HSPB7: variants seen among roughly 807,000 people sequenced by gnomAD.
HSPB7 encodes the protein heat shock protein beta-7.
HSPB7 carries 9 observed loss-of-function variants against 11.0 expected under a neutral mutation model. The ratio of observed to expected loss-of-function variants is 0.82; its 90% CI spans 0.49 to 1.43. HSPB7 has a LOEUF of 1.43. HSPB7 is among the 40% of genes most tolerant of loss of function. The pLI is 0.00. For synonymous variants in HSPB7, 102 were observed against 101.6 expected, an observed-to-expected ratio of 1.00 and a Z score of -0.02; for missense variants, 246 against 243.9, an observed-to-expected ratio of 1.01 and a Z score of -0.06.
intron 2 of HSPB7, 131 bp downstream of exon 2, chr1:16,016,943 G>GC (rs2021774697): frequency 1.1e-6 from 1 of 915,294 alleles, no homozygotes; most frequent in Admixed American, 2.5e-5. Flanking sequence ...CCTTCAGTTA[G>GC]CCCTGGGGGA....
upstream of HSPB7, chr1:16,019,124 T>C (rs945422): frequency 0.57 from 874,602 of 1,539,896 alleles, 251,673 homozygotes; most frequent in African/African-American, 0.75. Flanking sequence ...TCAGCAAAGC[T>C]GGGACTGACC....
At chr1:16,017,721 C>T (rs1418963656) in intron 1 of HSPB7, 44 bp downstream of exon 1, 14 of 1,488,558 alleles carry the variant, frequency 9.4e-6, no homozygotes, top group Non-Finnish European at 1.2e-5. Context: ...GCAGACGTCC[C>T]CTCCCTGTGC....
upstream of HSPB7, chr1:16,019,231 C>T (rs781773833): frequency 2.1e-5 from 32 of 1,549,450 alleles, no homozygotes; most frequent in South Asian, 3.6e-5. Context: ...TCTCCAAATC[C>T]GTCCCTTCCG....
rs779785456 is a variant in HSPB7 at position 16,015,729 on chromosome 1, A to G, written c.364T>C (p.Phe122Leu). The G allele has an allele frequency of 1.9e-6, 3 of 1,608,036 alleles. No individual in the cohort carries two copies. Among genetic ancestry groups the G allele is most frequent in the Non-Finnish European group, 2.5e-6 (3 of 1,176,754 alleles). Reference sequence around the variant, plus strand: ...TCCGGCAGCTGGCACTTGTGAGCGAAGGTGTTCATGACAGTGCCGTCAGCC... The same window carrying G: ...TCCGGCAGCTGGCACTTGTGAGCGAGGGTGTTCATGACAGTGCCGTCAGCC... ...LAADGTVMNT[F>L]AHKCQLPEDV... The change falls in exon 3 of 3, where the codon TTC becomes CTC. Residue 122 changes from phenylalanine to leucine, a missense_variant. Physicochemically the swap from Phe to Leu is conservative, Grantham distance 22. Transcript: ENST00000311890. The surrounding 1 kb of genome is among the most constrained non-coding windows in gnomAD (Gnocchi z 4.9).
chr1:16,016,114 A>G (rs2021702739), intron 2 of HSPB7, among the ~76,000 whole-genome samples: 1 of 152,246 alleles, frequency 6.6e-6, no homozygotes, highest in African/African-American at 2.4e-5. Flanking sequence ...CCCCGGGCAC[A>G]TTGGGCATCT....
chr1:16,018,932 C>CG, upstream of HSPB7: 1 of 1,139,182 alleles, frequency 8.8e-7, no homozygotes. Context: ...ATGTTACGGA[C>CG]GGGGAAGCGA....
upstream of HSPB7, chr1:16,018,100 GC>G (rs1438591976): frequency 1.3e-6 from 2 of 1,559,836 alleles, no homozygotes; most frequent in Non-Finnish European, 1.7e-6. Context: ...CTTGGGGCCA[GC>G]CCCTTGTCTA....
At chr1:16,019,235 C>T (rs2021970542), upstream of HSPB7, 2 of 1,549,508 alleles carry the variant, frequency 1.3e-6, no homozygotes, top group Non-Finnish European at 1.7e-6. Flanking sequence ...CAAATCCGTC[C>T]CTTCCGTCCC....
At chr1:16,019,027 C>T, upstream of HSPB7, 1 of 1,122,562 alleles carries the variant, frequency 8.9e-7, no homozygotes, top group East Asian at 2.6e-5. Context: ...CAAAGCCCTT[C>T]AGAGGCCGAG....
chr1:16,016,330 G>A (rs2148842268), intron 2 of HSPB7, among the ~76,000 whole-genome samples: 1 of 152,308 alleles, frequency 6.6e-6, no homozygotes, highest in Admixed American at 6.5e-5. Context: ...GCCAGTCCTT[G>A]GGGGCTTAGG....
chr1:16,018,490 G>C, upstream of HSPB7: 1 of 1,115,056 alleles, frequency 9.0e-7, no homozygotes. Flanking sequence ...ACCGCTCTGT[G>C]ACGTCAGGAG....
In HSPB7 at chr1:16,015,943, C is replaced by T. The variant is rs143697552; in HGVS notation, c.334-184G>A. ...CAGGCCAAAGGCTCTGCAGGGACAGCGCAGGGGTGCTTCGCAGAGCTCCAG... is the reference window on the plus strand; with the variant it reads ...CAGGCCAAAGGCTCTGCAGGGACAGTGCAGGGGTGCTTCGCAGAGCTCCAG... On this transcript the variant is annotated intron_variant, in intron 2 of 2. Transcript: ENST00000311890. This position sits in a 1 kb window ranked among gnomAD's most constrained non-coding sequence, Gnocchi z 4.9. 1.6e-3 allele frequency among the ~76,000 whole-genome samples: 246 copies of T among 152,336 alleles called. 1 individual carries two copies. The highest frequency in any genetic ancestry group is 5.4e-3 in the African/African-American group (224 of 41,580).
intron 2 of HSPB7, among the ~76,000 whole-genome samples, chr1:16,016,231 C>T (rs553281682): frequency 5.1e-4 from 78 of 152,328 alleles, no homozygotes; most frequent in African/African-American, 1.7e-3. Flanking sequence ...AGGGCTGGCA[C>T]ATGCTGCCTG....
At chr1:16,018,613 A>G, upstream of HSPB7, 1 of 1,040,978 alleles carries the variant, frequency 9.6e-7, no homozygotes. Flanking sequence ...GGGGACCTGG[A>G]TTCTGTGCCT....
chr1:16,017,315 T>C lies in HSPB7; in HGVS notation c.200-108A>G, dbSNP rs1054755646. 4 of 1,435,874 alleles carry C rather than the reference T, an allele frequency of 2.8e-6. No individual in the cohort carries two copies. The African/African-American group carries it at 4.3e-5, about 15-fold the overall frequency. 88.9% of individuals were successfully genotyped at this position (1,435,874 alleles called of 1,614,324 possible). On this transcript the variant is annotated intron_variant, in intron 1 of 2. Transcript: ENST00000311890. The stretch of plus-strand genomic sequence containing the variant: ...AGGGGCGGCTCCCCCAGGCCCTACC[T>C]CCCCCCTAGCTGTTTCTCCCTAAGC...
upstream of HSPB7, chr1:16,019,271 C>T (rs1469864186): frequency 1.3e-6 from 2 of 1,493,494 alleles, no homozygotes; most frequent in East Asian, 2.5e-5. Context: ...CCTCCTCCCC[C>T]AGGGAGGCCT....
chr1:16,019,039 T>A (rs2021961684), upstream of HSPB7: 9 of 1,168,316 alleles, frequency 7.7e-6, no homozygotes, highest in East Asian at 2.3e-4. Flanking sequence ...GAGGCCGAGG[T>A]GGTTTGAACA....
upstream of HSPB7, chr1:16,019,231 C>G (rs781773833): frequency 2.3e-5 from 36 of 1,549,450 alleles, no homozygotes; most frequent in Non-Finnish European, 3.1e-5. Context: ...TCTCCAAATC[C>G]GTCCCTTCCG....
At position 16,017,198 on chromosome 1, in the gene HSPB7, C is replaced by G. The variant is rs1010736625; in HGVS notation, c.209G>C (p.Gly70Ala). 13 of 1,612,984 alleles carry G rather than the reference C, an allele frequency of 8.1e-6. No homozygotes were observed. The highest frequency in any genetic ancestry group is 1.0e-5 in the Non-Finnish European group (12 of 1,179,122). Residue 70 changes from glycine (G) to alanine (A), a missense_variant, in exon 2 of 3, where the codon GGT becomes GCT. By Grantham distance (60) the Gly-to-Ala change is moderately conservative. Coordinates refer to ENST00000311890, the MANE Select transcript of HSPB7 (RefSeq NM_014424.5). The stretch of plus-strand genomic sequence containing the variant: ...TAGGGTCTTGATGTTGCCTGCCCCA[C>G]CGGGGCGGGCTGTGGGATGGGCTGC... ...SEPLAFPARP[G>A]GAGNIKTLGD...
Sources: gnomAD v4.1 joint callset for allele counts (sites outside exome capture counted in the v4.1 genomes callset) on GRCh38, gnomAD v4.1.1 for gene constraint, Gnocchi (gnomAD v3.1) non-coding constraint, MANE v1.5 for transcripts, NCBI Gene and HGNC (gene_info 2026-07-23, HGNC 2026-07-21) for gene names.